The following SPECC1 variants were observed in gnomAD, a reference collection of about 807,000 sequenced individuals.
SPECC1 encodes sperm antigen with calponin homology and coiled-coil domains 1.
SPECC1 carries 62 observed loss-of-function variants against 104.1 expected under a neutral mutation model. The ratio of observed to expected loss-of-function variants is 0.60; its 90% CI spans 0.49 to 0.74. SPECC1 has a LOEUF of 0.74. SPECC1 is among the 30% of genes least tolerant of loss of function. SPECC1 has a pLI of 0.00. For synonymous variants in SPECC1, 513 were observed against 501.6 expected, an observed-to-expected ratio of 1.02 and a Z score of -0.30; for missense variants, 1,306 against 1,310.5, an observed-to-expected ratio of 1.00 and a Z score of 0.05.
intron 13 of SPECC1, among the ~76,000 whole-genome samples, chr17:20,298,919 A>AGAGAGAGAGAGAGAGAG (rs2041445038): frequency 1.5e-5 from 1 of 66,838 alleles, no homozygotes. Context: ...AAGCAGAACC[A>AGAGAGAGAGAGAGAGAG]AAAGAGAGAG....
chr17:20,300,682 A>G (rs1183260522), intron 13 of SPECC1, among the ~76,000 whole-genome samples: 1 of 152,278 alleles, frequency 6.6e-6, no homozygotes. Context: ...TTCTGAGCGC[A>G]GAGGCTCCGC....
At chr17:20,054,681 TG>T (rs34785645) in intron 1 of SPECC1, among the ~76,000 whole-genome samples, 32 of 151,744 alleles carry the variant, frequency 2.1e-4, no homozygotes, top group African/African-American at 5.3e-4. Context: ...TTTCTTTTTT[TG>T]GGGGGGGTGG....
Position 20,217,187 on chromosome 17 carries a change from A to T in SPECC1, c.1864-10226A>T, listed in dbSNP as rs193004890. On this transcript the variant is annotated intron_variant, in intron 4 of 14. Coordinates refer to ENST00000395527, the MANE Select transcript of SPECC1 (RefSeq NM_001243439.2). The stretch of plus-strand genomic sequence containing the variant: ...ATATGTTATTCTGTAAAATGAATAT[A>T]AAAATATCTGCCTGTTATTATGTAG... Among the ~76,000 whole-genome samples, 19 of 152,256 alleles carry T rather than the reference A, an allele frequency of 1.2e-4. No homozygotes were observed. In the East Asian group the frequency reaches 3.7e-3, roughly 29 times the overall value.
chr17:20,035,399 G>GAAGAAGAC (rs1406990402), intron 1 of SPECC1, among the ~76,000 whole-genome samples: 54 of 151,998 alleles, frequency 3.6e-4, no homozygotes, highest in Non-Finnish European at 6.6e-4. Flanking sequence ...ACTATATTAA[G>GAAGAAGAC]TTTTCCAACC....
chr17:20,158,683 G>C (rs2032837765), intron 3 of SPECC1, among the ~76,000 whole-genome samples: 1 of 152,234 alleles, frequency 6.6e-6, no homozygotes, highest in Admixed American at 6.5e-5. Context: ...ACAAGTCTTG[G>C]GATCCTCGTG....
intron 3 of SPECC1, among the ~76,000 whole-genome samples, chr17:20,115,815 G>C (rs1469367729): frequency 1.3e-5 from 2 of 152,138 alleles, no homozygotes; most frequent in Non-Finnish European, 1.5e-5. Flanking sequence ...TCCCATTAAA[G>C]TCAAAGATAA....
At chr17:20,122,783 A>G (rs1026252925) in intron 3 of SPECC1, among the ~76,000 whole-genome samples, 4 of 152,200 alleles carry the variant, frequency 2.6e-5, no homozygotes, top group Admixed American at 2.0e-4. Context: ...TCCTCAAGGT[A>G]CATCCACACT....
At chr17:20,131,823 G>A (rs536189245) in intron 3 of SPECC1, among the ~76,000 whole-genome samples, 2 of 151,574 alleles carry the variant, frequency 1.3e-5, no homozygotes, top group South Asian at 2.1e-4. Flanking sequence ...CTAATTTTTT[G>A]TATTTTAGTA....
chr17:20,298,691 T>C (rs1567616837), intron 13 of SPECC1, among the ~76,000 whole-genome samples: 1 of 151,810 alleles, frequency 6.6e-6, no homozygotes, highest in Non-Finnish European at 1.5e-5. Flanking sequence ...TAGTGACAGA[T>C]TGGTTGTAGG....
At position 20,196,910 on chromosome 17, in the gene SPECC1, C is replaced by A. The variant is rs150327591; in HGVS notation, c.284-7423C>A. On this transcript the variant is annotated intron_variant, in intron 3 of 14. Coordinates refer to ENST00000395527, the MANE Select transcript of SPECC1 (RefSeq NM_001243439.2). ...AATTTTTAAAGCTGTTTGTATTTCC[C>A]GAAGATTACTAAGATTACATGAACT... is the stretch of plus-strand genomic sequence containing the variant. Among the ~76,000 whole-genome samples, 1,030 of 152,144 alleles carry A rather than the reference C, an allele frequency of 6.8e-3. 11 individuals are homozygous for A. Among genetic ancestry groups the A allele is most frequent in the African/African-American group, 0.024 (981 of 41,508 alleles).
At chr17:20,308,626 G>A (rs776523861) in intron 14 of SPECC1, among the ~76,000 whole-genome samples, 52 of 152,102 alleles carry the variant, frequency 3.4e-4, no homozygotes, top group Non-Finnish European at 6.8e-4. Context: ...CATTGAAGAG[G>A]TTGAATTTAT....
Position 20,238,967 on chromosome 17 carries a change from T to C in SPECC1, c.2351+6562T>C, listed in dbSNP as rs1201374817. 3 of 1,038,928 alleles carry C rather than the reference T, an allele frequency of 2.9e-6. No individual in the cohort carries two copies. The East Asian group carries it at 1.8e-4, about 61-fold the overall frequency. The allele number at this position is 1,038,928 out of a possible 1,614,324, so 64.4% of individuals were successfully genotyped here. On this transcript the variant is annotated intron_variant, in intron 7 of 14. Coordinates refer to ENST00000395527, the MANE Select transcript of SPECC1 (RefSeq NM_001243439.2). ...TGTCGTTTTGTTCTACATTTTTTTC[T>C]GAATACAGTTTCAGAACTTCAAAGT...
chr17:20,091,475 C>G (rs1165283875), intron 1 of SPECC1, among the ~76,000 whole-genome samples: 1 of 152,176 alleles, frequency 6.6e-6, no homozygotes, highest in Non-Finnish European at 1.5e-5. Flanking sequence ...TGTTGTAGGG[C>G]TCCCCTTTGG....
chr17:20,180,661 C>T (rs1410387603), intron 3 of SPECC1, among the ~76,000 whole-genome samples: 2 of 152,336 alleles, frequency 1.3e-5, no homozygotes, highest in South Asian at 2.1e-4. Flanking sequence ...CTGGATAATG[C>T]ATGTCTTGCC....
At chr17:20,051,068 TTTTCTTTC>T (rs71157856) in intron 1 of SPECC1, among the ~76,000 whole-genome samples, 5,054 of 88,434 alleles carry the variant, frequency 0.057, 199 homozygotes, top group East Asian at 0.13. Flanking sequence ...CTTTCTTTCT[TTTTCTTTC>T]TTTCTTTCTT....
At chr17:20,174,907 C>A (rs2034361951) in intron 3 of SPECC1, among the ~76,000 whole-genome samples, 1 of 151,412 alleles carries the variant, frequency 6.6e-6, no homozygotes, top group Admixed American at 6.6e-5. Context: ...GTCAAAATGA[C>A]CAAGGCAAAA....
At chr17:20,112,625 G>C in intron 3 of SPECC1, 2 of 880,984 alleles carry the variant, frequency 2.3e-6, no homozygotes, top group Non-Finnish European at 3.9e-6. Context: ...CTCTGGATCA[G>C]TGCTTGACTG....
intron 3 of SPECC1, among the ~76,000 whole-genome samples, chr17:20,188,913 A>G (rs1332969083): frequency 1.3e-5 from 2 of 152,188 alleles, no homozygotes; most frequent in Non-Finnish European, 2.9e-5. Context: ...CAGTCCATCT[A>G]ATTATCTAAT....
chr17:20,183,629 A>G (rs2035059677), intron 3 of SPECC1, among the ~76,000 whole-genome samples: 1 of 152,316 alleles, frequency 6.6e-6, no homozygotes, highest in South Asian at 2.1e-4. Flanking sequence ...AACTACGCAC[A>G]TTCTCCCATA....
Sources: allele counts gnomAD v4.1 joint callset (sites outside exome capture counted in the v4.1 genomes callset), GRCh38; gene constraint gnomAD v4.1.1; transcripts MANE v1.5; gene names NCBI Gene and HGNC (gene_info 2026-07-23, HGNC 2026-07-21).